The following KSR2 variants were observed in gnomAD, a reference collection of about 807,000 sequenced individuals.
The protein encoded by KSR2 is kinase suppressor of ras 2.
Under a neutral mutation model 107.8 loss-of-function variants are expected in KSR2, and 25 were observed. That is an observed-to-expected ratio of 0.23 (90% CI 0.17 to 0.32). KSR2 has a LOEUF of 0.32. Ranked by LOEUF, KSR2 falls within the 10% of genes least tolerant of loss-of-function variation. The pLI is 1.00. For missense variants in KSR2, 887 were observed against 1,268.9 expected (o/e 0.70, Z 4.57); for synonymous variants, 480 against 507.0 (o/e 0.95, Z 0.71).
chr12:117,519,297 G>A (rs537792315), intron 14 of KSR2, among the ~76,000 whole-genome samples: 65 of 152,310 alleles, frequency 4.3e-4, no homozygotes, highest in Non-Finnish European at 6.8e-4. Context: ...CAGTTGTAAA[G>A]GCAGTTTGCT....
At chr12:117,690,866 T>A (rs1234820714) in intron 4 of KSR2, among the ~76,000 whole-genome samples, 1 of 152,208 alleles carries the variant, frequency 6.6e-6, no homozygotes, top group African/African-American at 2.4e-5. Context: ...TTGCTCTGTA[T>A]CCAGAGACCT....
intron 9 of KSR2, among the ~76,000 whole-genome samples, chr12:117,545,175 T>C (rs966303924): frequency 2.6e-5 from 4 of 152,184 alleles, no homozygotes; most frequent in Non-Finnish European, 4.4e-5. Context: ...TGGAATAAAC[T>C]CTACTTGTAT....
At chr12:117,579,680 T>G (rs774385597) in intron 6 of KSR2, among the ~76,000 whole-genome samples, 9 of 152,076 alleles carry the variant, frequency 5.9e-5, no homozygotes, top group Non-Finnish European at 1.3e-4. Context: ...CCATCTCCCA[T>G]CACTTGCCGG....
chr12:117,711,572 T>G (rs1422023526), intron 4 of KSR2, among the ~76,000 whole-genome samples: 1 of 152,106 alleles, frequency 6.6e-6, no homozygotes, highest in Non-Finnish European at 1.5e-5. Flanking sequence ...GGAGGTGAAA[T>G]TGACAGGCCT....
chr12:117,691,485 C>A (rs1829388990), intron 4 of KSR2, among the ~76,000 whole-genome samples: 1 of 152,162 alleles, frequency 6.6e-6, no homozygotes. Flanking sequence ...GAGTTTCAAG[C>A]CATGTTCAGC....
intron 4 of KSR2, among the ~76,000 whole-genome samples, chr12:117,758,852 C>A (rs1367048411): frequency 6.6e-6 from 1 of 152,102 alleles, no homozygotes; most frequent in Non-Finnish European, 1.5e-5. Context: ...GGGAAAGGGA[C>A]AGGGAGAAGC....
rs187509461 is a variant in KSR2, at chr12:117,885,690, C to T, written c.181-25259G>A. ...ACAGGGAGGGGAACAACACAGGGGG[C>T]GGGGGGTAAGGGGAGGAAGAGCATT... On this transcript the variant is annotated intron_variant, in intron 1 of 19. Coordinates refer to ENST00000339824, the MANE Select transcript of KSR2 (RefSeq NM_173598.6). Among the ~76,000 whole-genome samples the T allele has an allele frequency of 0.011, 448 of 41,800 alleles. 12 individuals carry two copies. The Admixed American group carries it at 0.11, about 11-fold the overall frequency. The allele number at this position is 41,800 out of a possible 152,430, so 27.4% of individuals were successfully genotyped here. A position where few individuals can be genotyped will look rare whatever the true frequency, so the allele number is the denominator to read the frequency against.
At chr12:117,526,989 G>T in intron 13 of KSR2, 82 bp downstream of exon 13, 2 of 1,170,036 alleles carry the variant, frequency 1.7e-6, no homozygotes, top group Non-Finnish European at 2.6e-6. Flanking sequence ...CAAGCCCTCT[G>T]CGTCATCCAA....
chr12:117,740,454 G>T (rs1426465722), intron 4 of KSR2, among the ~76,000 whole-genome samples: 12 of 85,132 alleles, frequency 1.4e-4, no homozygotes, highest in African/African-American at 4.1e-4. Flanking sequence ...TATGTATATA[G>T]TACATATATT....
At chr12:117,696,807 C>A (rs1182322853) in intron 4 of KSR2, among the ~76,000 whole-genome samples, 1 of 152,104 alleles carries the variant, frequency 6.6e-6, no homozygotes, top group Non-Finnish European at 1.5e-5. Context: ...GAAACTGTTT[C>A]TAGGAAGTCA....
At chr12:117,752,142 C>T (rs146049655) in intron 4 of KSR2, among the ~76,000 whole-genome samples, 13 of 152,202 alleles carry the variant, frequency 8.5e-5, no homozygotes, top group South Asian at 2.1e-4. Context: ...AGGCCAAGCA[C>T]GAAATATGAA....
At chr12:117,714,069 G>A (rs939337743) in intron 4 of KSR2, among the ~76,000 whole-genome samples, 1 of 152,058 alleles carries the variant, frequency 6.6e-6, no homozygotes, top group Non-Finnish European at 1.5e-5. Flanking sequence ...GATGGAGTGA[G>A]GGGGGGAGCA....
At chr12:117,899,524 A>G (rs1894621422) in intron 1 of KSR2, among the ~76,000 whole-genome samples, 3 of 152,178 alleles carry the variant, frequency 2.0e-5, no homozygotes, top group African/African-American at 7.2e-5. Context: ...TGAATAAAGC[A>G]TTTTTAAAAA....
At position 117,527,443 on chromosome 12, in the gene KSR2, T is replaced by C. The variant is rs142099763; in HGVS notation, c.1803-324A>G. On this transcript the variant is annotated intron_variant, in intron 12 of 19. Transcript: ENST00000339824. ...GCTCATTTTTCTTCATTGCTTTGGT[T>C]TCAACTTATCTAGCAGCTTTCTTAT... 9.9e-3 allele frequency among the ~76,000 whole-genome samples: 1,509 copies of C among 152,276 alleles called. 24 individuals carry two copies. Among genetic ancestry groups the C allele is most frequent in the African/African-American group, 0.034 (1,408 of 41,546 alleles).
rs1894895504 is a variant in KSR2, at chr12:117,907,565, G to C, written c.181-47134C>G. Among the ~76,000 whole-genome samples the C allele has an allele frequency of 6.6e-6, 1 of 152,186 alleles. No individual in the cohort carries two copies. The highest frequency in any genetic ancestry group is 2.4e-5 in the African/African-American group (1 of 41,434). ...CTGCTCTCCTGCCCTGACCTGTTTA[G>C]AGATTAAGAGAGCACAGAACACAGA... On this transcript the variant is annotated intron_variant, in intron 1 of 19. Coordinates refer to ENST00000339824, the MANE Select transcript of KSR2 (RefSeq NM_173598.6). The surrounding 1 kb of genome is among the most constrained non-coding windows in gnomAD (Gnocchi z 4.3).
chr12:117,469,115 C>T (rs1236403576), intron 19 of KSR2, among the ~76,000 whole-genome samples: 1 of 152,210 alleles, frequency 6.6e-6, no homozygotes, highest in Non-Finnish European at 1.5e-5. Context: ...GATAGAGCTA[C>T]TGATCTCCAG....
At chr12:117,877,071 A>C (rs1893877499) in intron 1 of KSR2, among the ~76,000 whole-genome samples, 2 of 152,180 alleles carry the variant, frequency 1.3e-5, no homozygotes, top group African/African-American at 4.8e-5. Flanking sequence ...ATGTCATGCC[A>C]GTGCTCAAAA....
At chr12:117,937,507 A>G (rs1167806024) in intron 1 of KSR2, among the ~76,000 whole-genome samples, 2 of 152,066 alleles carry the variant, frequency 1.3e-5, no homozygotes, top group Non-Finnish European at 2.9e-5. Context: ...ATACTTTCAA[A>G]TCATATTTGA....
chr12:117,824,507 G>A (rs1191026877), intron 3 of KSR2, among the ~76,000 whole-genome samples: 1 of 152,088 alleles, frequency 6.6e-6, no homozygotes, highest in Non-Finnish European at 1.5e-5. Flanking sequence ...GTATTAAATT[G>A]TCACATGTAC....
Sources: allele counts gnomAD v4.1 joint callset (sites outside exome capture counted in the v4.1 genomes callset), GRCh38; gene constraint gnomAD v4.1.1; non-coding constraint Gnocchi (gnomAD v3.1); transcripts MANE v1.5; gene names NCBI Gene and HGNC (gene_info 2026-07-23, HGNC 2026-07-21).